The following SERAC1 variants were observed in gnomAD, a reference collection of about 807,000 sequenced individuals.
SERAC1 encodes serine active site containing 1.
Under a neutral mutation model 85.7 loss-of-function variants are expected in SERAC1, and 36 were observed. The observed-to-expected ratio is 0.42, with a 90% CI of 0.32 to 0.55. The LOEUF (loss-of-function observed/expected upper bound fraction) is 0.55, where lower values mean the gene tolerates loss of function less well. Ranked by LOEUF, SERAC1 falls within the 20% of genes least tolerant of loss-of-function variation. SERAC1 has a pLI of 0.11. For synonymous variants in SERAC1, 242 were observed against 265.3 expected, an observed-to-expected ratio of 0.91 and a Z score of 0.85; for missense variants, 629 against 796.2, an observed-to-expected ratio of 0.79 and a Z score of 2.53.
chr6:158,124,634 G>C (rs1784494298), intron 10 of SERAC1, among the ~76,000 whole-genome samples: 1 of 151,922 alleles, frequency 6.6e-6, no homozygotes, highest in Non-Finnish European at 1.5e-5. Context: ...CTTAAAAGAA[G>C]CCAGAGGAAA....
intron 6 of SERAC1, among the ~76,000 whole-genome samples, chr6:158,145,098 G>T (rs1248130904): frequency 2.0e-5 from 3 of 152,072 alleles, no homozygotes; most frequent in African/African-American, 7.2e-5. Context: ...ACAAAAATTA[G>T]CCAGGCGTGG....
At chr6:158,115,021 T>A in intron 14 of SERAC1, 50 bp from the exon 15 acceptor site, 4 of 1,536,402 alleles carry the variant, frequency 2.6e-6, no homozygotes, top group Non-Finnish European at 3.5e-6. Context: ...TTTCCTTCCC[T>A]TTATTACTGT....
At chr6:158,139,901 C>T (rs560136743) in intron 8 of SERAC1, among the ~76,000 whole-genome samples, 7 of 152,274 alleles carry the variant, frequency 4.6e-5, no homozygotes, top group East Asian at 1.9e-4. Context: ...TACTACTTCA[C>T]ACACAATGGG....
intron 8 of SERAC1, among the ~76,000 whole-genome samples, chr6:158,134,451 T>C (rs1583579811): frequency 6.6e-6 from 1 of 152,092 alleles, no homozygotes; most frequent in East Asian, 1.9e-4. Context: ...ACTCCAAAAA[T>C]AATGAATGAA....
At chr6:158,158,558 T>G (rs1785412811) in intron 1 of SERAC1, 194 bp from the exon 2 acceptor site, 4 of 472,254 alleles carry the variant, frequency 8.5e-6, no homozygotes, top group Non-Finnish European at 1.5e-5. Flanking sequence ...GAATAATATT[T>G]TGTTAGAATT....
In SERAC1 at chr6:158,149,149, G is replaced by A. The variant is rs527649924; in HGVS notation, c.266-195C>T. Among the ~76,000 whole-genome samples the A allele has an allele frequency of 3.9e-5, 6 of 152,118 alleles. No homozygotes were observed. In the South Asian group the frequency reaches 1.0e-3, roughly 26 times the overall value. On this transcript the variant is annotated intron_variant, in intron 4 of 16. Transcript: ENST00000647468. ...TGGGACTACAGGCCCTCGCCACCAC[G>A]CCTGGCTAATTTTTTTGTATTTTTA...
chr6:158,150,493 T>A lies in SERAC1; in HGVS notation c.225A>T (p.Ile75=). 3 of 1,579,366 alleles carry A rather than the reference T, an allele frequency of 1.9e-6. No homozygotes were observed. Among genetic ancestry groups the A allele is most frequent in the Non-Finnish European group, 2.6e-6 (3 of 1,149,332 alleles). ...VVEREKMKSY[I]YVHTVSLDKG... is the part of the protein sequence containing the mutation. ...TGTCTAAAGAAACTGTGTGCACATA[T>A]ATATATGACTTCATTTTTTCTCGTT... The change falls in exon 4 of 17, where the codon ATA becomes ATT. Residue 75 remains isoleucine, a synonymous_variant. Coordinates refer to ENST00000647468, the MANE Select transcript of SERAC1 (RefSeq NM_032861.4).
rs35834435 is a variant in SERAC1, at chr6:158,132,003, T to TAGAG, written c.739-1521_739-1518dup. ...TATGTATCCTATGCTACTACTCGTG[T>TAGAG]AGAGAGAGAGAGTGTGTGTGTTGGG... is the stretch of plus-strand genomic sequence containing the variant. On this transcript the variant is annotated intron_variant, in intron 8 of 16. Transcript: ENST00000647468. Among the ~76,000 whole-genome samples, 18 of 151,692 alleles carry TAGAG rather than the reference T, an allele frequency of 1.2e-4. No homozygotes were observed. The South Asian group carries it at 3.5e-3, about 30-fold the overall frequency.
chr6:158,161,031 C>T (rs1476255681), intron 1 of SERAC1: 1 of 152,114 alleles, frequency 6.6e-6, no homozygotes, highest in Non-Finnish European at 1.5e-5. Flanking sequence ...ATGTAGTTAG[C>T]ACTCTCACTC....
chr6:158,124,509 A>G (rs1784490712), intron 10 of SERAC1, among the ~76,000 whole-genome samples: 1 of 152,198 alleles, frequency 6.6e-6, no homozygotes, highest in Non-Finnish European at 1.5e-5. Context: ...TGTTCTCACC[A>G]CAAAAAATGA....
Position 158,143,133 on chromosome 6 carries a change from T to C in SERAC1, c.661A>G (p.Thr221Ala), listed in dbSNP as rs765305473. 16 of 1,613,522 alleles carry C rather than the reference T, an allele frequency of 9.9e-6. No homozygotes were observed. Among genetic ancestry groups the C allele is most frequent in the Middle Eastern group, 1.6e-4 (1 of 6,082 alleles). The change falls in exon 8 of 17, where the codon ACA (threonine) becomes GCA (alanine). Residue 221 changes from threonine to alanine, a missense_variant. Coordinates refer to ENST00000647468, the MANE Select transcript of SERAC1 (RefSeq NM_032861.4). ...TACTGGATACACTCATCTAGCTCTG[T>C]TTGAGGTAAGGAAGCCAGCAACTGT... ...LRQLLASLPQ[T>A]ELDECIQYFT... is the part of the protein sequence containing the mutation.
intron 10 of SERAC1, among the ~76,000 whole-genome samples, chr6:158,125,936 ACACT>A (rs543912985): frequency 6.6e-6 from 1 of 151,996 alleles, no homozygotes; most frequent in Non-Finnish European, 1.5e-5. Context: ...TTAAAAACAA[ACACT>A]CAAGTAATAC....
At chr6:158,125,342 T>A (rs1227293528) in intron 10 of SERAC1, among the ~76,000 whole-genome samples, 1 of 152,074 alleles carries the variant, frequency 6.6e-6, no homozygotes. Flanking sequence ...AATAAAAAAA[T>A]AAAAGAGGCT....
At chr6:158,155,823 T>C (rs1043478063) in intron 2 of SERAC1, among the ~76,000 whole-genome samples, 1 of 152,220 alleles carries the variant, frequency 6.6e-6, no homozygotes, top group Non-Finnish European at 1.5e-5. Context: ...AATTGATGGT[T>C]AGGTACATAC....
rs1161697618 is a variant in SERAC1, at chr6:158,119,191, A to T, written c.1167-21T>A. The T allele has an allele frequency of 6.3e-7, 1 of 1,593,468 alleles. No homozygotes were observed. The highest frequency in any genetic ancestry group is 8.6e-7 in the Non-Finnish European group (1 of 1,168,222). Reference sequence around the variant, plus strand: ...GCTGACTAATAGGGGAGAGAGTTTTAAAAAGAAGCAGAATAAATGCATTAC... The same window carrying T: ...GCTGACTAATAGGGGAGAGAGTTTTTAAAAGAAGCAGAATAAATGCATTAC... On this transcript the variant is annotated intron_variant, in intron 11 of 16. Coordinates refer to ENST00000647468, the MANE Select transcript of SERAC1 (RefSeq NM_032861.4). The surrounding 1 kb of genome is among the most constrained non-coding windows in gnomAD (Gnocchi z 4.5).
chr6:158,152,517 G>GA (rs201163631), intron 3 of SERAC1, among the ~76,000 whole-genome samples: 90 of 142,798 alleles, frequency 6.3e-4, no homozygotes, highest in Admixed American at 9.1e-4. Flanking sequence ...CTCCATCTCC[G>GA]AAAAAAAAAA....
chr6:158,143,556 A>G (rs1005936617), intron 7 of SERAC1, among the ~76,000 whole-genome samples: 13 of 152,058 alleles, frequency 8.5e-5, no homozygotes, highest in African/African-American at 2.9e-4. Flanking sequence ...TTAACTCTCA[A>G]TGTTCATCTG....
intron 5 of SERAC1, among the ~76,000 whole-genome samples, chr6:158,147,907 A>G (rs533880895): frequency 3.2e-4 from 48 of 151,628 alleles, no homozygotes; most frequent in African/African-American, 1.1e-3. Flanking sequence ...TGAAAGGATG[A>G]TGTAGACAAA....
Position 158,147,768 on chromosome 6 carries a change from C to CAAAA in SERAC1, c.356-859_356-856dup, listed in dbSNP as rs71027383. 1.3e-3 allele frequency among the ~76,000 whole-genome samples: 88 copies of CAAAA among 68,908 alleles called. 8 individuals carry two copies. Among genetic ancestry groups the CAAAA allele is most frequent in the African/African-American group, 4.0e-3 (58 of 14,408 alleles). The allele number at this position is 68,908 out of a possible 152,430, so 45.2% of individuals were successfully genotyped here. On this transcript the variant is annotated intron_variant, in intron 5 of 16. Coordinates refer to ENST00000647468, the MANE Select transcript of SERAC1 (RefSeq NM_032861.4). ...CTGGGTGACAGAGAAGGCTCTGTCT[C>CAAAA]AAAAAAAAAAAAAAAAAAAAAAAAA...
Sources: gnomAD v4.1 joint callset for allele counts (sites outside exome capture counted in the v4.1 genomes callset) on GRCh38, gnomAD v4.1.1 for gene constraint, Gnocchi (gnomAD v3.1) non-coding constraint, MANE v1.5 for transcripts, NCBI Gene and HGNC (gene_info 2026-07-23, HGNC 2026-07-21) for gene names.